Variants in PKD1L1 observed in about 807,000 individuals in gnomAD.
The protein encoded by PKD1L1 is polycystin-1-like protein 1.
In PKD1L1, 236 loss-of-function variants were observed where a neutral mutation model predicts 323.4. That is an observed-to-expected ratio of 0.73 (90% confidence interval 0.66 to 0.81). The LOEUF (loss-of-function observed/expected upper bound fraction) is 0.81, where lower values mean the gene tolerates loss of function less well. Among genes scored for constraint, PKD1L1 ranks in the 40% least tolerant of loss-of-function variants. PKD1L1 has a pLI of 0.00. For missense variants in PKD1L1, 3,320 were observed against 3,508.0 expected, an observed-to-expected ratio of 0.95 and a Z score of 1.35; for synonymous variants, 1,344 against 1,335.0, an observed-to-expected ratio of 1.01 and a Z score of -0.15.
intron 13 of PKD1L1, among the ~76,000 whole-genome samples, chr7:47,899,825 G>A (rs1033793498): frequency 8.6e-5 from 13 of 151,900 alleles, no homozygotes; most frequent in Admixed American, 2.0e-4. Context: ...GTGTGGTGGC[G>A]GACGCCTGTA....
chr7:47,912,333 T>C (rs971587785), intron 8 of PKD1L1, among the ~76,000 whole-genome samples: 4 of 152,046 alleles, frequency 2.6e-5, no homozygotes, highest in African/African-American at 9.7e-5. Flanking sequence ...AGAGAACTAA[T>C]AGATGTATGC....
chr7:47,941,076 C>A (rs1787976785), intron 2 of PKD1L1, among the ~76,000 whole-genome samples: 1 of 152,232 alleles, frequency 6.6e-6, no homozygotes, highest in African/African-American at 2.4e-5. Flanking sequence ...CCACTCTCAG[C>A]AAGAAGCCAG....
intron 56 of PKD1L1, among the ~76,000 whole-genome samples, chr7:47,790,198 T>C (rs1233958436): frequency 1.3e-5 from 2 of 151,844 alleles, no homozygotes. Flanking sequence ...CCAATTTTAT[T>C]TTATTTTTTA....
intron 52 of PKD1L1, among the ~76,000 whole-genome samples, chr7:47,805,456 G>A (rs1034676928): frequency 2.0e-5 from 3 of 152,202 alleles, no homozygotes; most frequent in Admixed American, 1.3e-4. Flanking sequence ...AGCACAACAG[G>A]TGCCCACAGA....
chr7:47,885,309 A>G (rs2128747651), intron 18 of PKD1L1, among the ~76,000 whole-genome samples: 1 of 152,262 alleles, frequency 6.6e-6, no homozygotes, highest in Non-Finnish European at 1.5e-5. Context: ...TTTTCTCTCC[A>G]TTTTTTAAGT....
intron 34 of PKD1L1, among the ~76,000 whole-genome samples, chr7:47,841,410 C>T (rs1047592603): frequency 1.3e-5 from 2 of 152,162 alleles, no homozygotes; most frequent in African/African-American, 2.4e-5. Flanking sequence ...AGTTGGGAGG[C>T]CCCTGCCTTG....
intron 1 of PKD1L1, among the ~76,000 whole-genome samples, chr7:47,947,692 G>T (rs1040801499): frequency 1.3e-5 from 2 of 152,246 alleles, no homozygotes; most frequent in South Asian, 4.1e-4. Context: ...TGGAGGCTGG[G>T]TGCGGTGGCT....
intron 47 of PKD1L1, among the ~76,000 whole-genome samples, chr7:47,814,805 C>T (rs890753702): frequency 3.9e-5 from 6 of 152,182 alleles, no homozygotes; most frequent in South Asian, 4.1e-4. Flanking sequence ...AGCCACCGCG[C>T]CCAGGATATT....
chr7:47,778,281 T>C (rs6961895), intron 56 of PKD1L1, among the ~76,000 whole-genome samples: 79,891 of 151,948 alleles, frequency 0.53, 21,312 homozygotes, highest in East Asian at 0.78. Context: ...TCCTCACATG[T>C]GTGAGAGATT....
intron 40 of PKD1L1, 144 bp from the exon 41 acceptor site, chr7:47,833,396 T>C (rs1583605576): frequency 1.1e-6 from 1 of 897,208 alleles, no homozygotes; most frequent in Non-Finnish European, 1.7e-6. Flanking sequence ...TAAAGACTTC[T>C]GAGGGAGGAA....
chr7:47,858,138 T>C (rs902635539), intron 27 of PKD1L1, among the ~76,000 whole-genome samples: 17 of 152,180 alleles, frequency 1.1e-4, no homozygotes, highest in African/African-American at 3.4e-4. Flanking sequence ...GGATGCTAAA[T>C]TGGTAGAAGA....
At chr7:47,956,500 T>C in the PKD1L1 span, among the ~76,000 whole-genome samples, 1 of 152,340 alleles carries the variant, frequency 6.6e-6, no homozygotes, top group East Asian at 1.9e-4. Flanking sequence ...CTACACGGGC[T>C]GTAGCGTTCA....
intron 56 of PKD1L1, among the ~76,000 whole-genome samples, chr7:47,784,316 A>G (rs187701910): frequency 6.6e-6 from 1 of 152,310 alleles, no homozygotes; most frequent in East Asian, 1.9e-4. Context: ...GTTCTTTTAA[A>G]TTTAATTAGC....
At chr7:47,864,572 TTTC>T (rs1346206945) in intron 26 of PKD1L1, among the ~76,000 whole-genome samples, 1 of 151,210 alleles carries the variant, frequency 6.6e-6, no homozygotes, top group African/African-American at 2.4e-5. Context: ...TTTCTTTTTC[TTTC>T]TTTTCTTTCT....
intron 56 of PKD1L1, among the ~76,000 whole-genome samples, chr7:47,782,253 AG>A (rs796141035): frequency 1.2e-4 from 18 of 152,302 alleles, no homozygotes; most frequent in African/African-American, 4.3e-4. Flanking sequence ...GGTCCTTCAA[AG>A]GTCAGTGCAT....
chr7:47,948,834 G>A (rs1221548692), upstream of PKD1L1, among the ~76,000 whole-genome samples: 3 of 151,868 alleles, frequency 2.0e-5, no homozygotes, highest in Non-Finnish European at 4.4e-5. Flanking sequence ...GCACACATCT[G>A]TAATCCCAGT....
the PKD1L1 span, chr7:47,957,446 A>C: frequency 6.6e-6 from 1 of 152,346 alleles, no homozygotes; most frequent in East Asian, 1.9e-4. Context: ...CCACCAAAAA[A>C]ACTGTTCGAA....
intron 13 of PKD1L1, among the ~76,000 whole-genome samples, chr7:47,899,955 C>CCAAAAAAAAAAAAA (rs71552464): frequency 2.8e-5 from 3 of 106,510 alleles, no homozygotes; most frequent in African/African-American, 1.1e-4. Flanking sequence ...GACTCCATCC[C>CCAAAAAAAAAAAAA]AAAAAAAAAA....
intron 8 of PKD1L1, among the ~76,000 whole-genome samples, chr7:47,913,812 C>T (rs763520906): frequency 6.6e-6 from 1 of 152,006 alleles, no homozygotes; most frequent in Non-Finnish European, 1.5e-5. Flanking sequence ...CAAGAACAAA[C>T]TAATACATAA....
Sources: gnomAD v4.1 joint callset for allele counts (sites outside exome capture counted in the v4.1 genomes callset) on GRCh38, gnomAD v4.1.1 for gene constraint, MANE v1.5 for transcripts, NCBI Gene and HGNC (gene_info 2026-07-23, HGNC 2026-07-21) for gene names.